The following RBFOX1 variants were observed in gnomAD, a reference collection of about 807,000 sequenced individuals.
The protein encoded by RBFOX1 is RNA binding protein fox-1 homolog 1.
In RBFOX1, 8 loss-of-function variants were observed where a neutral mutation model predicts 57.7. The observed-to-expected ratio is 0.14, with a 90% confidence interval of 0.08 to 0.25. The LOEUF (loss-of-function observed/expected upper bound fraction) is 0.25, where lower values mean the gene tolerates loss of function less well. Among genes scored for constraint, RBFOX1 ranks in the 10% least tolerant of loss-of-function variants. The pLI, the probability that RBFOX1 is intolerant of heterozygous loss-of-function variation, is 1.00. For missense variants in RBFOX1, 611 were observed against 548.5 expected, an observed-to-expected ratio of 1.11 and a Z score of -1.14; for synonymous variants, 326 against 222.4, an observed-to-expected ratio of 1.47 and a Z score of -4.15.
At chr16:7,049,766 G>A (rs2049331421) in intron 3 of RBFOX1, among the ~76,000 whole-genome samples, 1 of 152,144 alleles carries the variant, frequency 6.6e-6, no homozygotes, top group Admixed American at 6.5e-5. Context: ...TTTCCTTGCT[G>A]CATTCAGTGG....
Position 6,935,299 on chromosome 16 carries a change from C to A in RBFOX1, c.-15-116758C>A, listed in dbSNP as rs112877742. On this transcript the variant is annotated intron_variant, in intron 3 of 15. Transcript: ENST00000550418. ...AGATGTTCAGAGTGGTAGTTTCAGA[C>A]GATCTCTCCAAGTCTTTGATAGTTT... is the stretch of plus-strand genomic sequence containing the variant. 8.5e-5 allele frequency among the ~76,000 whole-genome samples: 13 copies of A among 152,198 alleles called. No homozygotes were observed. The East Asian group carries it at 2.3e-3, about 27-fold the overall frequency.
intron 4 of RBFOX1, among the ~76,000 whole-genome samples, chr16:5,936,642 A>T (rs945927679): frequency 6.6e-6 from 1 of 152,218 alleles, no homozygotes; most frequent in Admixed American, 6.5e-5. Context: ...CATTTTAAGA[A>T]CAAGGATGTA....
chr16:7,270,003 T>G (rs2153108800), intron 4 of RBFOX1, among the ~76,000 whole-genome samples: 1 of 152,384 alleles, frequency 6.6e-6, no homozygotes, highest in East Asian at 1.9e-4. Flanking sequence ...TCATCTTGTC[T>G]GTTTCGTAAT....
chr16:5,728,030 A>T lies in RBFOX1; in HGVS notation c.318+129069A>T, dbSNP rs1420612865. ...CAGTTCACTTCTTTAGATTCTAAATATAAGTGAGCTTTGGTAGTATTTGTC... is the reference window on the plus strand; with the variant it reads ...CAGTTCACTTCTTTAGATTCTAAATTTAAGTGAGCTTTGGTAGTATTTGTC... On this transcript the variant is annotated intron_variant, in intron 3 of 19. Transcript: ENST00000641259. Among the ~76,000 whole-genome samples the T allele has an allele frequency of 4.6e-5, 7 of 152,226 alleles. 1 individual carries two copies. Among genetic ancestry groups the T allele is most frequent in the Admixed American group, 4.6e-4 (7 of 15,280 alleles).
At chr16:6,136,254 C>T (rs549344423) in intron 1 of RBFOX1, among the ~76,000 whole-genome samples, 1 of 152,114 alleles carries the variant, frequency 6.6e-6, no homozygotes, top group Non-Finnish European at 1.5e-5. Flanking sequence ...ATGTCCTGCC[C>T]TCCTCCGGCA....
upstream of RBFOX1, among the ~76,000 whole-genome samples, chr16:6,014,834 T>A (rs929551928): frequency 6.6e-5 from 10 of 151,456 alleles, no homozygotes; most frequent in Non-Finnish European, 1.2e-4. Context: ...GGAGGAGGAA[T>A]AAAAGGATGC....
intron 4 of RBFOX1, among the ~76,000 whole-genome samples, chr16:7,256,612 G>T (rs1446131746): frequency 6.6e-6 from 1 of 152,036 alleles, no homozygotes; most frequent in African/African-American, 2.4e-5. Context: ...CTTCTGGATG[G>T]CCACAAACCA....
intron 3 of RBFOX1, among the ~76,000 whole-genome samples, chr16:5,729,065 C>T (rs1401524217): frequency 1.3e-5 from 2 of 152,156 alleles, no homozygotes; most frequent in African/African-American, 4.8e-5. Flanking sequence ...GCAGAAGGGC[C>T]AGGGAGGCAG....
intron 4 of RBFOX1, among the ~76,000 whole-genome samples, chr16:5,918,718 A>T (rs1354193483): frequency 6.6e-6 from 1 of 152,214 alleles, no homozygotes; most frequent in Non-Finnish European, 1.5e-5. Context: ...CAAAGTACCC[A>T]CTAGGACTGT....
chr16:7,266,138 C>G (rs908079953), intron 4 of RBFOX1, among the ~76,000 whole-genome samples: 1 of 151,862 alleles, frequency 6.6e-6, no homozygotes, highest in Non-Finnish European at 1.5e-5. Flanking sequence ...ATACACCTGG[C>G]TAATTTTTTA....
chr16:6,611,783 C>G (rs907179645), intron 2 of RBFOX1, among the ~76,000 whole-genome samples: 1 of 152,144 alleles, frequency 6.6e-6, no homozygotes, highest in African/African-American at 2.4e-5. Context: ...CCCCTTCTCT[C>G]TCTGCTTCCC....
chr16:6,568,016 C>T (rs1218759399), intron 2 of RBFOX1, among the ~76,000 whole-genome samples: 2 of 152,062 alleles, frequency 1.3e-5, no homozygotes, highest in African/African-American at 4.8e-5. Context: ...GAGGTAGGGT[C>T]TGACTATGTT....
chr16:6,838,810 C>T (rs930672392), intron 3 of RBFOX1, among the ~76,000 whole-genome samples: 1 of 152,122 alleles, frequency 6.6e-6, no homozygotes, highest in African/African-American at 2.4e-5. Flanking sequence ...TATCAGAATA[C>T]TCCATTCTCA....
intron 3 of RBFOX1, among the ~76,000 whole-genome samples, chr16:5,692,871 A>G (rs940781880): frequency 3.3e-5 from 5 of 152,214 alleles, no homozygotes; most frequent in Non-Finnish European, 7.3e-5. Context: ...AGGTTGAACA[A>G]AGAGGTATCA....
intron 4 of RBFOX1, among the ~76,000 whole-genome samples, chr16:7,261,020 C>T (rs568858866): frequency 6.6e-6 from 1 of 152,138 alleles, no homozygotes; most frequent in South Asian, 2.1e-4. Flanking sequence ...GGAAGTTTCT[C>T]CCAAGCCTAC....
intron 1 of RBFOX1, among the ~76,000 whole-genome samples, chr16:6,258,142 T>C (rs2097680095): frequency 6.6e-6 from 1 of 152,210 alleles, no homozygotes; most frequent in South Asian, 2.1e-4. Context: ...TATTTATTTT[T>C]AAAACTCCTT....
At chr16:7,513,285 A>AAAG (rs199768766) in intron 4 of RBFOX1, among the ~76,000 whole-genome samples, 1 of 149,372 alleles carries the variant, frequency 6.7e-6, no homozygotes, top group African/African-American at 2.5e-5. Context: ...AATAAAAATA[A>AAAG]TGAATGAATG....
At chr16:7,671,541 TTC>T in intron 13 of RBFOX1, 1 of 1,601,476 alleles carries the variant, frequency 6.2e-7, no homozygotes, top group Non-Finnish European at 8.6e-7. Flanking sequence ...AACATTACAT[TTC>T]TGTTTCCTTA....
intron 5 of RBFOX1, among the ~76,000 whole-genome samples, chr16:7,531,875 C>G (rs529633946): frequency 1.2e-4 from 19 of 152,194 alleles, no homozygotes; most frequent in African/African-American, 4.3e-4. Flanking sequence ...TACAACTAAA[C>G]CCACACACAT....
Sources: allele counts gnomAD v4.1 joint callset (sites outside exome capture counted in the v4.1 genomes callset), GRCh38; gene constraint gnomAD v4.1.1; transcripts MANE v1.5; gene names NCBI Gene and HGNC (gene_info 2026-07-23, HGNC 2026-07-21).